Variants in VASH2 observed in about 807,000 individuals in gnomAD.
VASH2 encodes tubulinyl-Tyr carboxypeptidase 2.
Under a neutral mutation model 37.2 loss-of-function variants are expected in VASH2, and 28 were observed. That is an observed-to-expected ratio of 0.75 (90% confidence interval 0.56 to 1.03). The LOEUF (loss-of-function observed/expected upper bound fraction) is 1.03, where lower values mean the gene tolerates loss of function less well. Ranked by LOEUF, VASH2 falls within the 50% of genes least tolerant of loss-of-function variation. VASH2 has a pLI of 0.00. For synonymous variants in VASH2, 188 were observed against 174.7 expected, an observed-to-expected ratio of 1.08 and a Z score of -0.60; for missense variants, 419 against 459.1, an observed-to-expected ratio of 0.91 and a Z score of 0.80.
intron 5 of VASH2, chr1:212,969,266 C>T (rs1666937458): frequency 1.1e-6 from 1 of 883,072 alleles, no homozygotes; most frequent in Non-Finnish European, 1.4e-6. Flanking sequence ...GATCTCAGCT[C>T]ACTGCAAGCT....
chr1:212,956,037 A>G lies in VASH2; in HGVS notation c.276+4219A>G, dbSNP rs113371935. Among the ~76,000 whole-genome samples, 1,139 of 152,314 alleles carry G rather than the reference A, an allele frequency of 7.5e-3. 12 individuals are homozygous for G. Among genetic ancestry groups the G allele is most frequent in the African/African-American group, 0.025 (1,056 of 41,570 alleles). On this transcript the variant is annotated intron_variant, in intron 2 of 7. Coordinates refer to ENST00000517399, the MANE Select transcript of VASH2 (RefSeq NM_001301056.2). ...GGTGCCTGCATAGTGTTTTCAGAGT[A>G]GGGATGACAAAAGGTTTTGAATTCC...
At chr1:212,954,292 T>A (rs1666416701) in intron 2 of VASH2, among the ~76,000 whole-genome samples, 1 of 152,234 alleles carries the variant, frequency 6.6e-6, no homozygotes, top group South Asian at 2.1e-4. Flanking sequence ...TTGTCAGTAG[T>A]CATTTGCAAG....
chr1:212,951,865 A>G lies in VASH2; in HGVS notation c.276+47A>G. ...GTTGGGGGGCTGGGGGTAGGTAGGCAGCGATGGGACCGTTTCAGCCTATAC... is the reference window on the plus strand; with the variant it reads ...GTTGGGGGGCTGGGGGTAGGTAGGCGGCGATGGGACCGTTTCAGCCTATAC... On this transcript the variant is annotated intron_variant, in intron 2 of 7. Transcript: ENST00000517399. This position sits in a 1 kb window ranked among gnomAD's most constrained non-coding sequence, Gnocchi z 4.4. 6.4e-7 allele frequency: 1 copy of G among 1,567,120 alleles called. No homozygotes were observed. The highest frequency in any genetic ancestry group is 8.6e-7 in the Non-Finnish European group (1 of 1,162,800).
Position 212,965,068 on chromosome 1 carries a change from A to G in VASH2, c.366-654A>G, listed in dbSNP as rs11584423. ...CCTGAGTAGCTGGGATTACAGGCCCATGCCATTACACTTGGCTAATTTTTG... is the reference window on the plus strand; with the variant it reads ...CCTGAGTAGCTGGGATTACAGGCCCGTGCCATTACACTTGGCTAATTTTTG... On this transcript the variant is annotated intron_variant, in intron 3 of 7. Transcript: ENST00000517399. Among the ~76,000 whole-genome samples, 914 of 152,192 alleles carry G rather than the reference A, an allele frequency of 6.0e-3. 17 individuals are homozygous for G. Among genetic ancestry groups the G allele is most frequent in the Non-Finnish European group, 9.3e-3 (633 of 68,002 alleles).
rs1412048149 is a variant in VASH2, at chr1:212,989,832, A to G, written c.*1248A>G. ...TGTCTGGCCTGCATATGGTAGTTAC[A>G]GTGTAACCTCTGGCTGCAGACCACA... On this transcript the variant is annotated 3_prime_UTR_variant, in exon 8 of 8. Coordinates refer to ENST00000517399, the MANE Select transcript of VASH2 (RefSeq NM_001301056.2). 3 of 152,154 alleles carry G rather than the reference A, an allele frequency of 2.0e-5. No homozygotes were observed. The highest frequency in any genetic ancestry group is 4.8e-5 in the African/African-American group (2 of 41,402). 9.4% of individuals were successfully genotyped at this position (152,154 alleles called of 1,614,324 possible).
chr1:212,955,809 C>A (rs74722206), intron 2 of VASH2, among the ~76,000 whole-genome samples: 2,717 of 152,282 alleles, frequency 0.018, 166 homozygotes, highest in Admixed American at 0.13. Context: ...TGTCCCTGCC[C>A]GCTGCCACCT....
intron 5 of VASH2, chr1:212,967,045 C>T (rs61832432): frequency 0.026 from 33,032 of 1,263,722 alleles, 505 homozygotes; most frequent in East Asian, 0.034. Flanking sequence ...GCGCCTGGCT[C>T]GCCAGGGAAA....
rs3010779 is a variant in VASH2 at position 212,988,804 on chromosome 1, G to A, written c.*220G>A. 0.29 allele frequency: 160,481 copies of A among 544,830 alleles called. 25,198 individuals are homozygous for A. Among genetic ancestry groups the A allele is most frequent in the Admixed American group, 0.43 (14,007 of 32,604 alleles). 33.7% of individuals were successfully genotyped at this position (544,830 alleles called of 1,614,324 possible). On this transcript the variant is annotated 3_prime_UTR_variant, in exon 8 of 8. Coordinates refer to ENST00000517399, the MANE Select transcript of VASH2 (RefSeq NM_001301056.2). ...GAAGTAATAAGCCCCACTGGGGTTG[G>A]ACTATGTCCCTCACTCAAGATCTTA...
intron 2 of VASH2, among the ~76,000 whole-genome samples, chr1:212,957,903 A>G (rs144991919): frequency 2.6e-5 from 4 of 152,334 alleles, no homozygotes; most frequent in African/African-American, 9.6e-5. Context: ...CCTGGCCAAC[A>G]CAGCTTACAC....
intron 7 of VASH2, among the ~76,000 whole-genome samples, chr1:212,985,356 G>A (rs1461397282): frequency 6.7e-6 from 1 of 150,298 alleles, no homozygotes; most frequent in East Asian, 2.0e-4. Context: ...TCACTTTTAT[G>A]TAAAAGCAGC....
At chr1:212,972,217 C>T (rs1667032051) in intron 5 of VASH2, among the ~76,000 whole-genome samples, 1 of 152,118 alleles carries the variant, frequency 6.6e-6, no homozygotes, top group Non-Finnish European at 1.5e-5. Flanking sequence ...GCAAGACACC[C>T]AGGAGAGGGG....
At chr1:212,955,264 G>A (rs574107586) in intron 2 of VASH2, among the ~76,000 whole-genome samples, 79 of 152,262 alleles carry the variant, frequency 5.2e-4, no homozygotes, top group African/African-American at 1.8e-3. Context: ...AGGACTAAAT[G>A]ACACTTCATT....
At chr1:212,973,369 T>C in intron 6 of VASH2, 1 of 1,287,658 alleles carries the variant, frequency 7.8e-7, no homozygotes, top group Non-Finnish European at 1.0e-6. Flanking sequence ...CCCTCTTCTC[T>C]CTCTCAGTTT....
chr1:212,968,936 C>T, intron 5 of VASH2: 1 of 985,468 alleles, frequency 1.0e-6, no homozygotes, highest in Non-Finnish European at 1.2e-6. Flanking sequence ...ACAATAGTCT[C>T]ATCCCTGCAC....
chr1:212,954,282 T>C (rs536109694), intron 2 of VASH2, among the ~76,000 whole-genome samples: 1 of 152,306 alleles, frequency 6.6e-6, no homozygotes, highest in East Asian at 1.9e-4. Flanking sequence ...AATTCCTAGT[T>C]TGTCAGTAGT....
chr1:212,974,023 A>G lies in VASH2; in HGVS notation c.948A>G (p.Arg316=). Residue 316 remains arginine, a synonymous_variant, in exon 7 of 8, where the codon AGA becomes AGG. Transcript: ENST00000517399. The part of the protein sequence containing the change: ...VRSRGKSLSP[R]RRQASPPRRL... The stretch of plus-strand genomic sequence containing the variant: ...GCCGGGGAAAATCCCTGTCCCCCAG[A>G]AGGAGACAGGCAAGCCCCCCGAGGA... 1 of 1,613,954 alleles carries G rather than the reference A, an allele frequency of 6.2e-7. No homozygotes were observed. Among genetic ancestry groups the G allele is most frequent in the African/African-American group, 1.3e-5 (1 of 75,054 alleles).
intron 2 of VASH2, among the ~76,000 whole-genome samples, chr1:212,960,384 G>T (rs1382848015): frequency 6.6e-6 from 1 of 152,142 alleles, no homozygotes; most frequent in Non-Finnish European, 1.5e-5. Context: ...TGAGCCAGAG[G>T]AGCTGCACTT....
At position 212,961,148 on chromosome 1, in the gene VASH2, T is replaced by C. The variant is rs376893659; in HGVS notation, c.277-18T>C. On this transcript the variant is annotated intron_variant, in intron 2 of 7. Transcript: ENST00000517399. The stretch of plus-strand genomic sequence containing the variant: ...GCGCCTCCTTCATAAACACCTCCTC[T>C]TCTCTATTTTTCTGCAGCCTTCAAT... 1.9e-6 allele frequency: 3 copies of C among 1,613,664 alleles called. No individual in the cohort carries two copies. The African/African-American group carries it at 4.0e-5, about 22-fold the overall frequency.
At chr1:212,972,559 C>T in intron 5 of VASH2, 21 bp from the exon 6 acceptor site, 4 of 1,599,678 alleles carry the variant, frequency 2.5e-6, no homozygotes, top group Non-Finnish European at 3.4e-6. Flanking sequence ...CCTTTCTCTT[C>T]CTTGACTCAG....
Sources: allele counts gnomAD v4.1 joint callset (sites outside exome capture counted in the v4.1 genomes callset), GRCh38; gene constraint gnomAD v4.1.1; non-coding constraint Gnocchi (gnomAD v3.1); transcripts MANE v1.5; gene names NCBI Gene and HGNC (gene_info 2026-07-23, HGNC 2026-07-21).